The following IMMP2L variants were observed in gnomAD, a reference collection of about 807,000 sequenced individuals.
The protein encoded by IMMP2L is inner mitochondrial membrane peptidase subunit 2.
Under a neutral mutation model 19.3 loss-of-function variants are expected in IMMP2L, and 18 were observed. That is an observed-to-expected ratio of 0.93 (90% CI 0.64 to 1.38). IMMP2L has a LOEUF of 1.38. IMMP2L is among the 40% of genes most tolerant of loss of function. The probability of loss-of-function intolerance (pLI) is 0.00; values close to 1 mark genes in which losing one functional copy is unlikely to be tolerated. For missense variants in IMMP2L, 233 were observed against 218.2 expected (o/e 1.07, Z -0.43); for synonymous variants, 76 against 73.0 (o/e 1.04, Z -0.21).
chr7:110,770,252 G>A (rs1342681017), intron 5 of IMMP2L, among the ~76,000 whole-genome samples: 5 of 152,102 alleles, frequency 3.3e-5, no homozygotes, highest in Admixed American at 1.3e-4. Context: ...ATTCCCTTAC[G>A]ACGAATGTGA....
At chr7:111,480,229 G>A (rs1232530619) in intron 3 of IMMP2L, among the ~76,000 whole-genome samples, 12 of 151,452 alleles carry the variant, frequency 7.9e-5, no homozygotes, top group African/African-American at 2.2e-4. Flanking sequence ...GACTACAGGC[G>A]CCCACCACCA....
intron 5 of IMMP2L, among the ~76,000 whole-genome samples, chr7:110,737,324 C>T (rs1399607354): frequency 6.6e-6 from 1 of 152,146 alleles, no homozygotes; most frequent in African/African-American, 2.4e-5. Flanking sequence ...AGACTCAGTG[C>T]CATTGGTGGG....
chr7:110,906,970 G>T (rs570561290), intron 4 of IMMP2L, among the ~76,000 whole-genome samples: 4 of 151,868 alleles, frequency 2.6e-5, no homozygotes, highest in East Asian at 2.0e-4. Flanking sequence ...AGGTGAGCAG[G>T]TACAGGAGCT....
intron 3 of IMMP2L, among the ~76,000 whole-genome samples, chr7:111,374,524 A>G (rs142232849): frequency 5.7e-4 from 87 of 152,186 alleles, no homozygotes; most frequent in African/African-American, 2.0e-3. Context: ...TTTCTCCCAC[A>G]TTATTATTGT....
chr7:111,182,690 T>A (rs10281562), intron 3 of IMMP2L, among the ~76,000 whole-genome samples: 1 of 151,856 alleles, frequency 6.6e-6, no homozygotes, highest in Non-Finnish European at 1.5e-5. Flanking sequence ...GAGGTAAGAA[T>A]GTGATGTGAA....
intron 3 of IMMP2L, among the ~76,000 whole-genome samples, chr7:111,225,047 T>G (rs1054918676): frequency 2.0e-5 from 3 of 152,142 alleles, no homozygotes; most frequent in Non-Finnish European, 4.4e-5. Flanking sequence ...GTTGTTTCCG[T>G]TGCAAGCTGA....
intron 3 of IMMP2L, among the ~76,000 whole-genome samples, chr7:111,038,017 T>A (rs1310412210): frequency 6.6e-6 from 1 of 152,154 alleles, no homozygotes; most frequent in Non-Finnish European, 1.5e-5. Context: ...TAGGCCAGTG[T>A]GTGATTGATA....
At chr7:110,973,284 A>C (rs2129556898) in intron 3 of IMMP2L, among the ~76,000 whole-genome samples, 1 of 152,222 alleles carries the variant, frequency 6.6e-6, no homozygotes, top group East Asian at 1.9e-4. Context: ...TTATACTGTA[A>C]AAACATATAA....
At chr7:110,999,080 A>C (rs1823350905) in intron 3 of IMMP2L, among the ~76,000 whole-genome samples, 1 of 152,098 alleles carries the variant, frequency 6.6e-6, no homozygotes, top group African/African-American at 2.4e-5. Flanking sequence ...ACAATGCTCC[A>C]TCTTTTGGTG....
chr7:111,401,173 C>G (rs898338732), intron 3 of IMMP2L, among the ~76,000 whole-genome samples: 6 of 152,072 alleles, frequency 3.9e-5, no homozygotes, highest in Non-Finnish European at 8.8e-5. Flanking sequence ...AAAATGCAAT[C>G]CAATAAGTTA....
chr7:110,927,529 G>C (rs1206418639), intron 4 of IMMP2L, among the ~76,000 whole-genome samples: 1 of 152,122 alleles, frequency 6.6e-6, no homozygotes, highest in Non-Finnish European at 1.5e-5. Flanking sequence ...GAGAGCAGTA[G>C]AGAGATATGA....
intron 5 of IMMP2L, among the ~76,000 whole-genome samples, chr7:110,874,628 TTAAAA>T (rs140458529): frequency 0.02 from 3,046 of 152,160 alleles, 47 homozygotes; most frequent in Admixed American, 0.037. Context: ...TTTCTTTAAA[TTAAAA>T]TATAGAGAAA....
At chr7:110,923,318 A>T (rs980334922) in intron 4 of IMMP2L, among the ~76,000 whole-genome samples, 6 of 152,204 alleles carry the variant, frequency 3.9e-5, no homozygotes, top group African/African-American at 1.2e-4. Flanking sequence ...GGTAAAAAGC[A>T]TTGTTTTGAG....
chr7:111,524,523 A>T (rs1846653240), intron 1 of IMMP2L, among the ~76,000 whole-genome samples: 1 of 152,114 alleles, frequency 6.6e-6, no homozygotes, highest in Admixed American at 6.6e-5. Flanking sequence ...CTTGACTGAC[A>T]TGCTTAAAAA....
chr7:110,773,314 G>A (rs910864075), intron 5 of IMMP2L, among the ~76,000 whole-genome samples: 9 of 152,116 alleles, frequency 5.9e-5, no homozygotes, highest in Non-Finnish European at 1.3e-4. Context: ...CAAGCAAAGA[G>A]CACTAAATTT....
chr7:110,992,379 AT>A (rs905552480), intron 3 of IMMP2L, among the ~76,000 whole-genome samples: 5 of 152,070 alleles, frequency 3.3e-5, no homozygotes, highest in Non-Finnish European at 7.4e-5. Context: ...ACATAACTAG[AT>A]TTGATACCAA....
At chr7:111,077,758 G>T (rs951234000) in intron 3 of IMMP2L, among the ~76,000 whole-genome samples, 1 of 152,096 alleles carries the variant, frequency 6.6e-6, no homozygotes, top group African/African-American at 2.4e-5. Context: ...CCTTTCCATG[G>T]TTCGCAAGAC....
intron 5 of IMMP2L, among the ~76,000 whole-genome samples, chr7:110,765,485 A>G (rs1226299139): frequency 6.6e-6 from 1 of 152,106 alleles, no homozygotes; most frequent in African/African-American, 2.4e-5. Flanking sequence ...AGAATCATCA[A>G]TGTTTTCAAA....
At chr7:110,958,916 C>T (rs1420439230) in intron 4 of IMMP2L, among the ~76,000 whole-genome samples, 6 of 151,972 alleles carry the variant, frequency 3.9e-5, no homozygotes, top group African/African-American at 1.4e-4. Context: ...AATGGAAGTC[C>T]TGCAACACTG....
Sources: allele counts gnomAD v4.1 joint callset (sites outside exome capture counted in the v4.1 genomes callset), GRCh38; gene constraint gnomAD v4.1.1; transcripts MANE v1.5; gene names NCBI Gene and HGNC (gene_info 2026-07-23, HGNC 2026-07-21).